Variants in TCF4 observed in about 807,000 individuals in gnomAD.
TCF4 encodes transcription factor 4, also known as SL3-3 enhancer factor 2.
Under a neutral mutation model 82.1 loss-of-function variants are expected in TCF4, and 3 were observed. That is an observed-to-expected ratio of 0.04 (90% confidence interval 0.02 to 0.09). The LOEUF (loss-of-function observed/expected upper bound fraction) is 0.09. TCF4 is among the 10% of genes least tolerant of loss of function. TCF4 has a pLI of 1.00. For missense variants in TCF4, 518 were observed against 852.7 expected (o/e 0.61, Z 4.89); for synonymous variants, 276 against 309.6 (o/e 0.89, Z 1.14).
At chr18:55,356,946 T>C (rs1313277496) in intron 6 of TCF4, among the ~76,000 whole-genome samples, 3 of 152,154 alleles carry the variant, frequency 2.0e-5, no homozygotes, top group Admixed American at 1.3e-4. Context: ...TCTTTCCTTA[T>C]AAGGAAACAC....
chr18:55,360,590 C>A (rs958750647), intron 6 of TCF4, among the ~76,000 whole-genome samples: 1 of 151,926 alleles, frequency 6.6e-6, no homozygotes, highest in Non-Finnish European at 1.5e-5. Flanking sequence ...TGAAAACACC[C>A]AACTCTGCCA....
At chr18:55,387,096 C>A (rs2092673469) in intron 6 of TCF4, among the ~76,000 whole-genome samples, 1 of 152,244 alleles carries the variant, frequency 6.6e-6, no homozygotes, top group Non-Finnish European at 1.5e-5. Flanking sequence ...TCTGACCACC[C>A]ATCCACCCTT....
At chr18:55,605,756 A>ATAT (rs1193101874) in intron 2 of TCF4, among the ~76,000 whole-genome samples, 1 of 152,224 alleles carries the variant, frequency 6.6e-6, no homozygotes, top group Non-Finnish European at 1.5e-5. Context: ...GATGAGGCAG[A>ATAT]TATTAGTACT....
At chr18:55,491,491 G>A (rs1184124671) in intron 3 of TCF4, among the ~76,000 whole-genome samples, 1 of 152,180 alleles carries the variant, frequency 6.6e-6, no homozygotes, top group Admixed American at 6.5e-5. Flanking sequence ...GTTGCACAGA[G>A]AAGCAGATTT....
chr18:55,301,421 C>G (rs2068238699), intron 8 of TCF4, among the ~76,000 whole-genome samples: 1 of 152,172 alleles, frequency 6.6e-6, no homozygotes, highest in Admixed American at 6.5e-5. Flanking sequence ...GAAGTCACAA[C>G]AGAATGTCAG....
chr18:55,600,212 G>A (rs1603625200), intron 2 of TCF4, among the ~76,000 whole-genome samples: 2 of 152,044 alleles, frequency 1.3e-5, no homozygotes, highest in Admixed American at 1.3e-4. Flanking sequence ...TGTTTCTTTT[G>A]AATATGTACC....
intron 6 of TCF4, among the ~76,000 whole-genome samples, chr18:55,369,479 G>A (rs2088280010): frequency 1.3e-5 from 2 of 152,182 alleles, no homozygotes; most frequent in African/African-American, 4.8e-5. Context: ...GTGCCACAAT[G>A]CCAGTTTCCT....
At chr18:55,435,736 T>A (rs2095315735) in intron 5 of TCF4, among the ~76,000 whole-genome samples, 1 of 152,230 alleles carries the variant, frequency 6.6e-6, no homozygotes, top group South Asian at 2.1e-4. Flanking sequence ...TCCATTCCCA[T>A]GCCAGCTCCC....
chr18:55,459,620 A>G (rs1406044658), intron 5 of TCF4, among the ~76,000 whole-genome samples: 2 of 152,182 alleles, frequency 1.3e-5, no homozygotes, highest in Non-Finnish European at 2.9e-5. Flanking sequence ...AAATAAAATC[A>G]TAACTATTGA....
chr18:55,508,977 A>G (rs2096794938), intron 3 of TCF4, among the ~76,000 whole-genome samples: 2 of 152,220 alleles, frequency 1.3e-5, no homozygotes, highest in Admixed American at 1.3e-4. Context: ...ATCTCCTCTC[A>G]AAAATCATAG....
At chr18:55,468,827 T>C (rs74330535) in intron 3 of TCF4, among the ~76,000 whole-genome samples, 2,255 of 151,138 alleles carry the variant, frequency 0.015, 60 homozygotes, top group African/African-American at 0.051. Context: ...TAAGGCAACA[T>C]AGTGACAAAT....
intron 6 of TCF4, among the ~76,000 whole-genome samples, chr18:55,365,191 A>ATATATATATATG (rs1361444592): frequency 2.4e-3 from 237 of 97,840 alleles, no homozygotes; most frequent in African/African-American, 4.1e-3. Context: ...ATATATATAT[A>ATATATATATATG]TGTGTGTGTG....
chr18:55,285,058 C>G (rs374804297), intron 8 of TCF4, among the ~76,000 whole-genome samples: 7 of 152,146 alleles, frequency 4.6e-5, no homozygotes, highest in Non-Finnish European at 7.3e-5. Context: ...GGTTCCAGTG[C>G]AGTGATACGT....
rs1453424800 is a variant in TCF4, at chr18:55,227,215, A to G, written c.*820T>C. The G allele has an allele frequency of 1.3e-5, 2 of 152,036 alleles. No homozygotes were observed. Among genetic ancestry groups the G allele is most frequent in the Non-Finnish European group, 2.9e-5 (2 of 67,948 alleles). 9.4% of individuals were successfully genotyped at this position (152,036 alleles called of 1,614,324 possible). ...AGCAGAGTTGGCACTACAGGTTACG[A>G]TAACAAACCAGGGAAAGGGACAGAA... is the stretch of plus-strand genomic sequence containing the variant. On this transcript the variant is annotated 3_prime_UTR_variant, in exon 20 of 20. Transcript: ENST00000354452.
At chr18:55,488,866 G>A (rs1488085999) in intron 3 of TCF4, among the ~76,000 whole-genome samples, 1 of 152,184 alleles carries the variant, frequency 6.6e-6, no homozygotes, top group African/African-American at 2.4e-5. Context: ...TACAAAACAA[G>A]CTTTCCAAAC....
At chr18:55,584,563 C>T (rs186033320) in intron 3 of TCF4, among the ~76,000 whole-genome samples, 1 of 152,084 alleles carries the variant, frequency 6.6e-6, no homozygotes, top group South Asian at 2.1e-4. Context: ...TCCTTAGATT[C>T]CAGATAATCA....
intron 4 of TCF4, 129 bp downstream of exon 4, chr18:55,463,945 CCT>C (rs1491108453): frequency 3.4e-4 from 237 of 703,434 alleles, no homozygotes; most frequent in Non-Finnish European, 3.6e-4. Flanking sequence ...CATGCCCATG[CCT>C]CTGTGTGTGT....
At position 55,222,868 on chromosome 18, in the gene TCF4, AC is replaced by A. The variant is rs1442659104; in HGVS notation, c.*5166del. 2 of 152,640 alleles carry A rather than the reference AC, an allele frequency of 1.3e-5. No homozygotes were observed. The highest frequency in any genetic ancestry group is 1.9e-4 in the East Asian group (1 of 5,196). 9.5% of individuals were successfully genotyped at this position (152,640 alleles called of 1,614,324 possible). ...GTCAGTTTGTACAAGTTAGAAAAAAACATCTGGTTGTTTACATCTGGATTAA... is the reference window on the plus strand; with the variant it reads ...GTCAGTTTGTACAAGTTAGAAAAAAAATCTGGTTGTTTACATCTGGATTAA... On this transcript the variant is annotated 3_prime_UTR_variant, in exon 20 of 20. Transcript: ENST00000354452.
At chr18:55,233,553 C>A (rs2048472562) in intron 16 of TCF4, among the ~76,000 whole-genome samples, 1 of 151,876 alleles carries the variant, frequency 6.6e-6, no homozygotes, top group South Asian at 2.1e-4. Context: ...TGGTGGTTCA[C>A]ACCTGTAATC....
Sources: allele counts gnomAD v4.1 joint callset (sites outside exome capture counted in the v4.1 genomes callset), GRCh38; gene constraint gnomAD v4.1.1; transcripts MANE v1.5; gene names NCBI Gene and HGNC (gene_info 2026-07-23, HGNC 2026-07-21).